The following TACC1 variants were observed in gnomAD, a reference collection of about 807,000 sequenced individuals.
TACC1 encodes transforming acidic coiled-coil-containing protein 1.
Under a neutral mutation model 84.4 loss-of-function variants are expected in TACC1, and 48 were observed. The observed-to-expected ratio is 0.57, with a 90% confidence interval of 0.45 to 0.72. TACC1 has a LOEUF of 0.72. Among genes scored for constraint, TACC1 ranks in the 30% least tolerant of loss-of-function variants. The pLI is 0.00. For missense variants in TACC1, 920 were observed against 973.0 expected, an observed-to-expected ratio of 0.95 and a Z score of 0.72; for synonymous variants, 372 against 376.3, an observed-to-expected ratio of 0.99 and a Z score of 0.13.
At chr8:38,826,142 C>T (rs942890315) in intron 4 of TACC1, among the ~76,000 whole-genome samples, 1 of 152,102 alleles carries the variant, frequency 6.6e-6, no homozygotes, top group Non-Finnish European at 1.5e-5. Flanking sequence ...TTTAACATAA[C>T]TTTTCCTCTA....
At chr8:38,765,535 T>G (rs62505801) in intron 3 of TACC1, among the ~76,000 whole-genome samples, 32,017 of 152,112 alleles carry the variant, frequency 0.21, 4,023 homozygotes, top group Non-Finnish European at 0.29. Context: ...CCCTTTATTA[T>G]TCAGGAAGAT....
rs1280309773 is a variant in TACC1 at position 38,775,066 on chromosome 8, AT to A, written c.27-13635del. On this transcript the variant is annotated intron_variant, in intron 3 of 14. Coordinates refer to the TACC1 transcript ENST00000518415. The stretch of plus-strand genomic sequence containing the variant: ...AACTTTTAAAACAAAGTACAAGACT[AT>A]TTGTATGTATTTGCTTTATAAAACA... 9.2e-5 allele frequency among the ~76,000 whole-genome samples: 14 copies of A among 152,156 alleles called. No homozygotes were observed. The East Asian group carries it at 2.3e-3, about 25-fold the overall frequency.
At chr8:38,803,285 A>C (rs1384532752) in intron 2 of TACC1, among the ~76,000 whole-genome samples, 1 of 152,210 alleles carries the variant, frequency 6.6e-6, no homozygotes, top group Non-Finnish European at 1.5e-5. Flanking sequence ...TACCTTGGTT[A>C]AAACTTCTAG....
intron 11 of TACC1, among the ~76,000 whole-genome samples, chr8:38,845,664 G>A (rs1832088944): frequency 6.6e-6 from 1 of 152,194 alleles, no homozygotes; most frequent in Non-Finnish European, 1.5e-5. Context: ...CGAACATCCT[G>A]TGCACTCACT....
intron 2 of TACC1, among the ~76,000 whole-genome samples, chr8:38,789,403 G>A (rs1818126332): frequency 6.6e-6 from 1 of 152,106 alleles, no homozygotes; most frequent in Non-Finnish European, 1.5e-5. Context: ...TTGTCACACA[G>A]CCAGTTCAGA....
intron 3 of TACC1, among the ~76,000 whole-genome samples, chr8:38,756,506 G>GT (rs1810069475): frequency 6.6e-6 from 1 of 152,130 alleles, no homozygotes; most frequent in Non-Finnish European, 1.5e-5. Flanking sequence ...TCTAAAGGGA[G>GT]TTGCTAGGTG....
chr8:38,729,121 A>G (rs1297001931), intron 1 of TACC1, among the ~76,000 whole-genome samples: 1 of 152,082 alleles, frequency 6.6e-6, no homozygotes, highest in Admixed American at 6.6e-5. Context: ...GGCTGGGAAA[A>G]GCATTCTCAC....
chr8:38,773,947 G>A (rs1255577891), intron 3 of TACC1, among the ~76,000 whole-genome samples: 1 of 152,198 alleles, frequency 6.6e-6, no homozygotes, highest in African/African-American at 2.4e-5. Context: ...TGCCTATGTA[G>A]TCAAAAATTC....
At chr8:38,782,012 TTTC>T (rs1816102767) in intron 3 of TACC1, among the ~76,000 whole-genome samples, 1 of 146,540 alleles carries the variant, frequency 6.8e-6, no homozygotes. Context: ...TTTTTGCAGA[TTTC>T]TTTTTTTTTC....
At chr8:38,784,729 T>C (rs1816784315), upstream of TACC1, among the ~76,000 whole-genome samples, 1 of 152,218 alleles carries the variant, frequency 6.6e-6, no homozygotes, top group African/African-American at 2.4e-5. Context: ...ACAAGGACTA[T>C]TTGTAAACTA....
At chr8:38,839,394 A>G in intron 8 of TACC1, 1 of 393,398 alleles carries the variant, frequency 2.5e-6, no homozygotes, top group Non-Finnish European at 4.5e-6. Flanking sequence ...AAAGGCATAA[A>G]TAATTCACAC....
chr8:38,791,869 T>G (rs1818749668), intron 2 of TACC1, among the ~76,000 whole-genome samples: 1 of 152,168 alleles, frequency 6.6e-6, no homozygotes, highest in Non-Finnish European at 1.5e-5. Flanking sequence ...TACCCATGGC[T>G]CCTGTGCTGA....
At chr8:38,767,674 TG>T (rs1375447857) in intron 3 of TACC1, among the ~76,000 whole-genome samples, 1 of 152,116 alleles carries the variant, frequency 6.6e-6, no homozygotes, top group Admixed American at 6.5e-5. Flanking sequence ...GTTGGCCTGG[TG>T]GGGAGCAAGA....
At chr8:38,813,656 C>T (rs1217070855) in intron 2 of TACC1, among the ~76,000 whole-genome samples, 3 of 152,192 alleles carry the variant, frequency 2.0e-5, no homozygotes, top group Admixed American at 2.0e-4. Flanking sequence ...GTAGGTCTCT[C>T]ATCCTGTACT....
chr8:38,819,976 A>G lies in TACC1; in HGVS notation c.732A>G (p.Gly244=), dbSNP rs773677376. The G allele has an allele frequency of 1.2e-6, 2 of 1,614,106 alleles. No individual in the cohort carries two copies. Among genetic ancestry groups the G allele is most frequent in the Non-Finnish European group, 1.7e-6 (2 of 1,180,038 alleles). ...TCCCCCTGAGGAAGAAAGCAATTGG[A>G]GGAGAGTTCTCAGACACCAACGCTG... The part of the protein sequence containing the change: ...KPVPLRKKAI[G]GEFSDTNAAV... Residue 244 remains glycine (G), a synonymous_variant, in exon 3 of 13, where the codon GGA becomes GGG. Transcript: ENST00000317827.
intron 7 of TACC1, among the ~76,000 whole-genome samples, chr8:38,837,753 A>G (rs1378558088): frequency 6.6e-6 from 1 of 152,230 alleles, no homozygotes; most frequent in African/African-American, 2.4e-5. Context: ...GAAACTACCA[A>G]TTAGGAAGAG....
chr8:38,809,628 G>C (rs1823598293), intron 2 of TACC1, among the ~76,000 whole-genome samples: 1 of 152,168 alleles, frequency 6.6e-6, no homozygotes, highest in South Asian at 2.1e-4. Flanking sequence ...ATGGAGATTA[G>C]GGTAGAAATA....
At chr8:38,826,676 T>C (rs1186211378) in intron 4 of TACC1, among the ~76,000 whole-genome samples, 1 of 152,192 alleles carries the variant, frequency 6.6e-6, no homozygotes, top group African/African-American at 2.4e-5. Flanking sequence ...TTCTGACTTA[T>C]TCAGGAACTT....
At chr8:38,734,326 G>A (rs1005515107) in intron 1 of TACC1, among the ~76,000 whole-genome samples, 4 of 152,122 alleles carry the variant, frequency 2.6e-5, no homozygotes, top group South Asian at 2.1e-4. Flanking sequence ...CTGAGTAGCT[G>A]GGATTACAGG....
Sources: gnomAD v4.1 joint callset for allele counts (sites outside exome capture counted in the v4.1 genomes callset) on GRCh38, gnomAD v4.1.1 for gene constraint, MANE v1.5 for transcripts, NCBI Gene and HGNC (gene_info 2026-07-23, HGNC 2026-07-21) for gene names.